The following LMNTD1 variants were observed in gnomAD, a reference collection of about 807,000 sequenced individuals.
The protein encoded by LMNTD1 is lamin tail domain-containing protein 1.
Under a neutral mutation model 50.9 loss-of-function variants are expected in LMNTD1, and 35 were observed. The observed-to-expected ratio is 0.69, with a 90% CI of 0.53 to 0.91. The LOEUF (loss-of-function observed/expected upper bound fraction) is 0.91. Among genes scored for constraint, LMNTD1 ranks in the 40% least tolerant of loss-of-function variants. LMNTD1 has a pLI of 0.00. For synonymous variants in LMNTD1, 153 were observed against 161.9 expected (o/e 0.94, Z 0.42); for missense variants, 470 against 475.5 (o/e 0.99, Z 0.11).
chr12:25,617,334 C>T (rs2136553007), intron 1 of LMNTD1, among the ~76,000 whole-genome samples: 1 of 152,292 alleles, frequency 6.6e-6, no homozygotes, highest in East Asian at 1.9e-4. Context: ...GTACTATCTG[C>T]CTCTTGGTTC....
intron 1 of LMNTD1, among the ~76,000 whole-genome samples, chr12:25,619,252 C>CTCTCTCTCTCTATATATATATA (rs1374134268): frequency 1.1e-4 from 9 of 84,442 alleles, no homozygotes; most frequent in East Asian, 4.2e-4. Context: ...CTCTCTCTCT[C>CTCTCTCTCTCTATATATATATA]TATATATATA....
chr12:25,606,802 T>C (rs1946117557), intron 1 of LMNTD1, among the ~76,000 whole-genome samples: 1 of 152,170 alleles, frequency 6.6e-6, no homozygotes, highest in South Asian at 2.1e-4. Context: ...TCTTTTTTTG[T>C]TGTGTCTCTG....
intron 1 of LMNTD1, among the ~76,000 whole-genome samples, chr12:25,604,608 T>C (rs1029957324): frequency 6.6e-6 from 1 of 152,194 alleles, no homozygotes; most frequent in South Asian, 2.1e-4. Context: ...GTTTGGTTTT[T>C]TGTCCTTGCG....
At chr12:25,513,059 A>G (rs1457718294) in intron 8 of LMNTD1, among the ~76,000 whole-genome samples, 2 of 152,186 alleles carry the variant, frequency 1.3e-5, no homozygotes, top group Non-Finnish European at 2.9e-5. Context: ...TCTGTATTAT[A>G]CTGAATAAAA....
intron 1 of LMNTD1, among the ~76,000 whole-genome samples, chr12:25,585,156 GT>G (rs1329488739): frequency 6.6e-6 from 1 of 152,184 alleles, no homozygotes; most frequent in Non-Finnish European, 1.5e-5. Flanking sequence ...ACTCTTTCAT[GT>G]GTCTGTAAGA....
rs1232405313 is a variant in LMNTD1 at position 25,648,391 on chromosome 12, G to T, written c.58+103C>A. ...TTGTTCTTATATCTCAGTGATGACA[G>T]ATATGACCACTTTCTAAAGTGTCAG... On this transcript the variant is annotated intron_variant, in intron 1 of 7. Transcript: ENST00000445693. 4.3e-6 allele frequency: 4 copies of T among 919,704 alleles called. No individual in the cohort carries two copies. The African/African-American group carries it at 4.9e-5, about 11-fold the overall frequency. 57.0% of individuals were successfully genotyped at this position (919,704 alleles called of 1,614,324 possible).
At chr12:25,479,586 C>A (rs757867990) in intron 9 of LMNTD1, among the ~76,000 whole-genome samples, 9 of 152,122 alleles carry the variant, frequency 5.9e-5, no homozygotes, top group Non-Finnish European at 8.8e-5. Flanking sequence ...AGCATGAGCC[C>A]ACTGCCGCAC....
chr12:25,489,402 C>A (rs372402991), intron 9 of LMNTD1, among the ~76,000 whole-genome samples: 19 of 151,754 alleles, frequency 1.3e-4, no homozygotes, highest in South Asian at 6.3e-4. Flanking sequence ...CAGGTGCGTC[C>A]GTCACCCCTT....
intron 1 of LMNTD1, among the ~76,000 whole-genome samples, chr12:25,639,628 A>G (rs190078808): frequency 3.3e-5 from 5 of 152,346 alleles, no homozygotes; most frequent in Admixed American, 1.3e-4. Context: ...TAGCCTGGGT[A>G]TAATTTTAAA....
intron 1 of LMNTD1, among the ~76,000 whole-genome samples, chr12:25,585,599 C>G (rs1945488788): frequency 6.6e-6 from 1 of 152,180 alleles, no homozygotes; most frequent in African/African-American, 2.4e-5. Context: ...ATGCAATTGG[C>G]AAAACCCTCT....
intron 1 of LMNTD1, among the ~76,000 whole-genome samples, chr12:25,579,549 A>T (rs1323451091): frequency 6.6e-6 from 1 of 152,158 alleles, no homozygotes; most frequent in Non-Finnish European, 1.5e-5. Context: ...TCAGTTATCT[A>T]TAATAATACT....
intron 4 of LMNTD1, among the ~76,000 whole-genome samples, chr12:25,534,763 C>A (rs1244673364): frequency 3.9e-5 from 6 of 152,084 alleles, no homozygotes; most frequent in Non-Finnish European, 8.8e-5. Flanking sequence ...ATTAATGGGG[C>A]CTTGTGTACA....
chr12:25,566,672 C>T lies in LMNTD1; in HGVS notation c.59-20118G>A, dbSNP rs139455315. Among the ~76,000 whole-genome samples the T allele has an allele frequency of 3.3e-3, 498 of 152,210 alleles. 1 individual carries two copies. Among genetic ancestry groups the T allele is most frequent in the Non-Finnish European group, 5.4e-3 (365 of 68,006 alleles). On this transcript the variant is annotated intron_variant, in intron 1 of 7. Transcript: ENST00000445693. ...AACACAGGCAGGGAGAGGCCTCAAC[C>T]CTGTCTTTTCTTCCTCCCTGGTAAC...
In LMNTD1 at chr12:25,571,335, G is replaced by GTT. The variant is rs1447912759; in HGVS notation, c.59-24782_59-24781insAA. ...CATGGGGATTTCTTTTTTCAAAAAA[G>GTT]TATTTTTATTTATTTATTTATTTAT... On this transcript the variant is annotated intron_variant, in intron 1 of 7. Transcript: ENST00000445693. 2.3e-3 allele frequency among the ~76,000 whole-genome samples: 314 copies of GTT among 137,602 alleles called. 3 individuals are homozygous for GTT. Among genetic ancestry groups the GTT allele is most frequent in the African/African-American group, 7.7e-3 (289 of 37,572 alleles). The allele number at this position is 137,602 out of a possible 152,430, so 90.3% of individuals were successfully genotyped here.
chr12:25,632,827 A>G (rs1946749093), intron 1 of LMNTD1, among the ~76,000 whole-genome samples: 1 of 152,224 alleles, frequency 6.6e-6, no homozygotes, highest in African/African-American at 2.4e-5. Context: ...TTTCAATACT[A>G]ACATTGAATG....
intron 1 of LMNTD1, among the ~76,000 whole-genome samples, chr12:25,645,243 A>G (rs546803085): frequency 1.8e-4 from 27 of 152,350 alleles, no homozygotes; most frequent in African/African-American, 6.3e-4. Context: ...CATGTTTTCA[A>G]TTAAATGATT....
intron 1 of LMNTD1, among the ~76,000 whole-genome samples, chr12:25,562,033 T>C (rs986618178): frequency 1.3e-5 from 2 of 152,214 alleles, no homozygotes; most frequent in Non-Finnish European, 2.9e-5. Flanking sequence ...TGTGTGTCTC[T>C]GCACATGAGA....
chr12:25,534,195 G>A (rs180976601), intron 4 of LMNTD1, among the ~76,000 whole-genome samples: 1 of 152,182 alleles, frequency 6.6e-6, no homozygotes, highest in African/African-American at 2.4e-5. Context: ...TAGAGATAGT[G>A]GGTGGTAGTA....
At chr12:25,643,490 G>C (rs564801191) in intron 1 of LMNTD1, among the ~76,000 whole-genome samples, 38 of 152,320 alleles carry the variant, frequency 2.5e-4, no homozygotes, top group Non-Finnish European at 4.7e-4. Context: ...ACAAGGAAGA[G>C]ACTTACATAT....
Sources: allele counts gnomAD v4.1 joint callset (sites outside exome capture counted in the v4.1 genomes callset), GRCh38; gene constraint gnomAD v4.1.1; transcripts MANE v1.5; gene names NCBI Gene and HGNC (gene_info 2026-07-23, HGNC 2026-07-21).